The following MYO3B variants were observed in gnomAD, a reference collection of about 807,000 sequenced individuals.
The protein encoded by MYO3B is myosin-IIIb.
In MYO3B, 156 loss-of-function variants were observed where a neutral mutation model predicts 174.6. The ratio of observed to expected loss-of-function variants is 0.89; its 90% confidence interval spans 0.78 to 1.02. MYO3B has a LOEUF of 1.02. MYO3B is among the 50% of genes least tolerant of loss of function. MYO3B has a pLI of 0.00. For missense variants in MYO3B, 1,632 were observed against 1,639.4 expected, an observed-to-expected ratio of 1.00 and a Z score of 0.08; for synonymous variants, 563 against 569.1, an observed-to-expected ratio of 0.99 and a Z score of 0.15.
chr2:170,205,702 C>G (rs747981017), intron 3 of MYO3B, among the ~76,000 whole-genome samples: 1 of 152,046 alleles, frequency 6.6e-6, no homozygotes, highest in Non-Finnish European at 1.5e-5. Flanking sequence ...ACTTCTTGAC[C>G]CTGCCTCTCT....
At chr2:170,550,420 T>C (rs1418481356) in intron 32 of MYO3B, among the ~76,000 whole-genome samples, 1 of 152,184 alleles carries the variant, frequency 6.6e-6, no homozygotes, top group Non-Finnish European at 1.5e-5. Flanking sequence ...CAATTCTGTG[T>C]GGGATGGAGG....
chr2:170,480,278 G>T (rs990804036), intron 25 of MYO3B, among the ~76,000 whole-genome samples: 3 of 152,120 alleles, frequency 2.0e-5, no homozygotes, highest in Non-Finnish European at 4.4e-5. Flanking sequence ...ACCCTCCCCA[G>T]AGAGGGTCCC....
chr2:170,498,620 C>T lies in MYO3B; in HGVS notation c.3043C>T (p.Gln1015Ter). ...TTATTACTTGGCATTCACAGCACAT[C>T]AAACACCTCTTGCTAGCAAAGAGAG... is the stretch of plus-strand genomic sequence containing the variant. The part of the protein sequence containing the change: ...RYYYLAFTAH[Q>*]TPLASKESCV... The change falls in exon 26 of 35, where the codon CAA becomes TAA. Residue 1015 changes from glutamine to a stop codon, truncating the protein, a stop_gained. Transcript: ENST00000408978. LOFTEE classifies it high-confidence loss of function. 1.1e-5 allele frequency: 17 copies of T among 1,614,026 alleles called. No individual in the cohort carries two copies. The highest frequency in any genetic ancestry group is 1.4e-5 in the Non-Finnish European group (16 of 1,179,922).
At position 170,407,908 on chromosome 2, in the gene MYO3B, A is replaced by G. The variant is rs2094521301; in HGVS notation, c.2650+64A>G. The G allele has an allele frequency of 1.9e-6, 3 of 1,599,866 alleles. No homozygotes were observed. In the Admixed American group the frequency reaches 5.0e-5, roughly 27 times the overall value. On this transcript the variant is annotated intron_variant, in intron 22 of 34. Coordinates refer to ENST00000408978, the MANE Select transcript of MYO3B (RefSeq NM_138995.5). ...TTTGCAAGACCAGGTGAAATTTTCC[A>G]GTTAGTGTCTGAATACTGCCAGGGC...
rs1197259718 is a variant in MYO3B, at chr2:170,364,265, G to A, written c.816-4957G>A. Reference sequence around the variant, plus strand: ...TCTGTGGCTAAGTAAGCTTGGAAACGTGGGCTCAAATAGAATTAAACTTTT... The same window carrying A: ...TCTGTGGCTAAGTAAGCTTGGAAACATGGGCTCAAATAGAATTAAACTTTT... On this transcript the variant is annotated intron_variant, in intron 8 of 34. Transcript: ENST00000408978. Among the ~76,000 whole-genome samples, 3 of 137,578 alleles carry A rather than the reference G, an allele frequency of 2.2e-5. No individual in the cohort carries two copies. The Admixed American group carries it at 2.4e-4, about 11-fold the overall frequency. 90.3% of individuals were successfully genotyped at this position (137,578 alleles called of 152,430 possible).
At chr2:170,612,464 T>A (rs1355205498) in intron 32 of MYO3B, among the ~76,000 whole-genome samples, 1 of 152,180 alleles carries the variant, frequency 6.6e-6, no homozygotes, top group Non-Finnish European at 1.5e-5. Context: ...CCCTATTGTT[T>A]ATTGTGTCTG....
intron 27 of MYO3B, 80 bp downstream of exon 27, chr2:170,499,888 T>C (rs901782100): frequency 4.0e-5 from 55 of 1,375,834 alleles, no homozygotes; most frequent in South Asian, 1.0e-4. Flanking sequence ...ACTGTTTCTC[T>C]TCTAAGTGGT....
chr2:170,380,153 T>C (rs1378152074), intron 9 of MYO3B, among the ~76,000 whole-genome samples: 2 of 152,184 alleles, frequency 1.3e-5, no homozygotes, highest in Non-Finnish European at 2.9e-5. Context: ...CCTCATAAGC[T>C]GTGATGTTGA....
chr2:170,573,426 A>G (rs1337568529), intron 32 of MYO3B, among the ~76,000 whole-genome samples: 3 of 152,098 alleles, frequency 2.0e-5, no homozygotes, highest in African/African-American at 4.8e-5. Context: ...AGGCCTAAGA[A>G]CATAACTCTC....
chr2:170,217,546 G>T, intron 6 of MYO3B, 151 bp downstream of exon 6: 1 of 701,248 alleles, frequency 1.4e-6, no homozygotes, highest in Non-Finnish European at 2.5e-6. Flanking sequence ...TTTGGTCAGC[G>T]ATGCTGGTGA....
chr2:170,507,088 A>C (rs1156631987), intron 28 of MYO3B, among the ~76,000 whole-genome samples: 1 of 152,230 alleles, frequency 6.6e-6, no homozygotes, highest in African/African-American at 2.4e-5. Context: ...ACAAGATCCA[A>C]ACTCTTCTTG....
At chr2:170,405,451 C>G in intron 20 of MYO3B, 94 bp from the exon 21 acceptor site, 1 of 1,141,304 alleles carries the variant, frequency 8.8e-7, no homozygotes, top group Non-Finnish European at 1.3e-6. Flanking sequence ...TCTGAAAGCC[C>G]TTATTCTGAG....
intron 29 of MYO3B, among the ~76,000 whole-genome samples, chr2:170,518,725 A>G (rs774927116): frequency 3.9e-5 from 6 of 152,180 alleles, no homozygotes; most frequent in Admixed American, 6.5e-5. Context: ...CTGATTCACT[A>G]AGTCCGAAGT....
chr2:170,350,409 C>T (rs941330356), intron 8 of MYO3B: 3 of 152,218 alleles, frequency 2.0e-5, no homozygotes, highest in Admixed American at 6.5e-5. Flanking sequence ...GGTTATTCCT[C>T]TCCAAAAGCT....
chr2:170,276,094 C>A (rs942852751), intron 7 of MYO3B, among the ~76,000 whole-genome samples: 2 of 152,158 alleles, frequency 1.3e-5, no homozygotes, highest in Non-Finnish European at 2.9e-5. Flanking sequence ...AAATTTTACT[C>A]CTAGAATAGC....
chr2:170,280,524 A>G (rs1356756146), intron 7 of MYO3B, among the ~76,000 whole-genome samples: 2 of 148,758 alleles, frequency 1.3e-5, no homozygotes, highest in African/African-American at 4.9e-5. Flanking sequence ...AATTTTTGCC[A>G]TGAAATTTTG....
chr2:170,179,232 A>C (rs2092367933), intron 1 of MYO3B, among the ~76,000 whole-genome samples: 2 of 152,236 alleles, frequency 1.3e-5, no homozygotes, highest in South Asian at 4.1e-4. Flanking sequence ...AAGAAAGGAA[A>C]AGAGTACATA....
chr2:170,556,766 C>A (rs1349013415), intron 32 of MYO3B, among the ~76,000 whole-genome samples: 1 of 152,238 alleles, frequency 6.6e-6, no homozygotes, highest in Non-Finnish European at 1.5e-5. Flanking sequence ...AGGTGCTCCA[C>A]CTGCCTTGGC....
chr2:170,308,543 T>C (rs780613464), intron 7 of MYO3B, among the ~76,000 whole-genome samples: 1 of 152,188 alleles, frequency 6.6e-6, no homozygotes, highest in Non-Finnish European at 1.5e-5. Flanking sequence ...TTTTTGATCT[T>C]AGATAATCTT....
Sources: gnomAD v4.1 joint callset for allele counts (sites outside exome capture counted in the v4.1 genomes callset) on GRCh38, gnomAD v4.1.1 for gene constraint, MANE v1.5 for transcripts, NCBI Gene and HGNC (gene_info 2026-07-23, HGNC 2026-07-21) for gene names.